RPH3AL: variants seen among roughly 807,000 people sequenced by gnomAD.
The protein encoded by RPH3AL is rab effector Noc2.
In RPH3AL, 38 loss-of-function variants were observed where a neutral mutation model predicts 43.1. The ratio of observed to expected loss-of-function variants is 0.88; its 90% CI spans 0.68 to 1.15. The LOEUF (loss-of-function observed/expected upper bound fraction) is 1.15, where lower values mean the gene tolerates loss of function less well. Among genes scored for constraint, RPH3AL ranks in the 50% most tolerant of loss-of-function variants. The probability of loss-of-function intolerance (pLI) is 0.00; values close to 1 mark genes in which losing one functional copy is unlikely to be tolerated. For missense variants in RPH3AL, 462 were observed against 423.2 expected, an observed-to-expected ratio of 1.09 and a Z score of -0.81; for synonymous variants, 189 against 176.3, an observed-to-expected ratio of 1.07 and a Z score of -0.57.
intron 5 of RPH3AL, among the ~76,000 whole-genome samples, chr17:286,778 G>A (rs140308340): frequency 3.3e-5 from 5 of 152,292 alleles, no homozygotes; most frequent in East Asian, 1.9e-4. Flanking sequence ...CAGGGCAAGC[G>A]AGTCCTGGCT....
chr17:313,761 A>C (rs1332516986), intron 5 of RPH3AL, among the ~76,000 whole-genome samples: 1 of 152,128 alleles, frequency 6.6e-6, no homozygotes, highest in African/African-American at 2.4e-5. Flanking sequence ...GCTTGCACAC[A>C]ATGGGCTATT....
chr17:229,500 A>G (rs1371326704), intron 7 of RPH3AL, among the ~76,000 whole-genome samples: 1 of 152,162 alleles, frequency 6.6e-6, no homozygotes, highest in African/African-American at 2.4e-5. Context: ...CATGTCCCCC[A>G]AAGAGCTGGG....
chr17:310,657 G>C (rs898256026), intron 5 of RPH3AL, among the ~76,000 whole-genome samples: 3 of 152,178 alleles, frequency 2.0e-5, no homozygotes, highest in African/African-American at 7.2e-5. Context: ...CAGCCCCCCA[G>C]GGCTGCCGCC....
At chr17:268,167 T>C (rs979894312) in intron 6 of RPH3AL, among the ~76,000 whole-genome samples, 1 of 152,162 alleles carries the variant, frequency 6.6e-6, no homozygotes, top group Non-Finnish European at 1.5e-5. Flanking sequence ...TAGCTGGATT[T>C]TCCTCTCCCT....
chr17:264,694 A>C lies in RPH3AL; in HGVS notation c.438+17074T>G, dbSNP rs2042280542. Among the ~76,000 whole-genome samples the C allele has an allele frequency of 6.6e-6, 1 of 152,226 alleles. No homozygotes were observed. Among genetic ancestry groups the C allele is most frequent in the African/African-American group, 2.4e-5 (1 of 41,452 alleles). Reference sequence around the variant, plus strand: ...GGAAGAGGTCAGCATTTGCTCTTCTAAGCGTGGAGGATGACCCTTCCACCT... The same window carrying C: ...GGAAGAGGTCAGCATTTGCTCTTCTCAGCGTGGAGGATGACCCTTCCACCT... On this transcript the variant is annotated intron_variant, in intron 6 of 9. Transcript: ENST00000331302. The surrounding 1 kb of genome is among the most constrained non-coding windows in gnomAD (Gnocchi z 4.8).
At chr17:280,481 C>T (rs1427487811) in intron 6 of RPH3AL, among the ~76,000 whole-genome samples, 1 of 152,170 alleles carries the variant, frequency 6.6e-6, no homozygotes, top group Non-Finnish European at 1.5e-5. Flanking sequence ...CGCCACAAAC[C>T]CAGGATGCCT....
intron 6 of RPH3AL, among the ~76,000 whole-genome samples, chr17:269,767 T>C (rs374305208): frequency 2.6e-5 from 4 of 152,348 alleles, no homozygotes; most frequent in African/African-American, 9.6e-5. Context: ...GTGTGAACGA[T>C]GAACTCACGG....
intron 6 of RPH3AL, among the ~76,000 whole-genome samples, chr17:249,394 G>A (rs1039130658): frequency 3.9e-5 from 6 of 152,024 alleles, no homozygotes; most frequent in Non-Finnish European, 7.4e-5. Flanking sequence ...TTATCTCACC[G>A]GGAGGACTTG....
intron 7 of RPH3AL, among the ~76,000 whole-genome samples, chr17:244,950 ATGTG>A (rs1306494886): frequency 1.3e-5 from 2 of 151,964 alleles, no homozygotes; most frequent in Non-Finnish European, 2.9e-5. Context: ...GTGTACATGC[ATGTG>A]TGTGTGAGCT....
chr17:249,040 C>G (rs574581594), intron 6 of RPH3AL, among the ~76,000 whole-genome samples: 1 of 152,114 alleles, frequency 6.6e-6, no homozygotes, highest in East Asian at 1.9e-4. Flanking sequence ...CAGAAAGGAC[C>G]GCCTCTTGGA....
intron 5 of RPH3AL, among the ~76,000 whole-genome samples, chr17:300,910 A>G (rs1446027597): frequency 5.3e-5 from 8 of 150,650 alleles, no homozygotes; most frequent in African/African-American, 1.5e-4. Flanking sequence ...AGAAGCTCTC[A>G]CCCACTCTAG....
At chr17:344,728 A>G (rs1168290311) in intron 1 of RPH3AL, among the ~76,000 whole-genome samples, 2 of 134,014 alleles carry the variant, frequency 1.5e-5, no homozygotes, top group Admixed American at 7.2e-5. Context: ...CATCACCATC[A>G]TTGTCAATCA....
intron 8 of RPH3AL, among the ~76,000 whole-genome samples, chr17:216,744 A>G (rs577607809): frequency 6.6e-6 from 1 of 152,252 alleles, no homozygotes; most frequent in East Asian, 1.9e-4. Flanking sequence ...CATCTCTTGC[A>G]CCATCTCTAC....
At position 313,494 on chromosome 17, in the gene RPH3AL, G is replaced by A. The variant is rs73971703; in HGVS notation, c.351+5926C>T. ...AGGACTGTTCCAGGGGAAACTTGCC[G>A]TTCCCTCTGCCGGGAACACTGTTCC... On this transcript the variant is annotated intron_variant, in intron 5 of 9. Transcript: ENST00000331302. 9.3e-3 allele frequency among the ~76,000 whole-genome samples: 1,418 copies of A among 152,206 alleles called. 17 individuals carry two copies. Among genetic ancestry groups the A allele is most frequent in the African/African-American group, 0.031 (1,305 of 41,524 alleles).
At chr17:279,044 A>C (rs2042722003) in intron 6 of RPH3AL, among the ~76,000 whole-genome samples, 1 of 152,234 alleles carries the variant, frequency 6.6e-6, no homozygotes, top group African/African-American at 2.4e-5. Context: ...CAGAAAACCC[A>C]AGTTCTTCCA....
intron 6 of RPH3AL, among the ~76,000 whole-genome samples, chr17:268,553 G>GTTTTTTTTT (rs5818749): frequency 2.3e-4 from 17 of 74,516 alleles, no homozygotes; most frequent in East Asian, 9.6e-4. Context: ...ATGTTTTTGG[G>GTTTTTTTTT]TTTTTTTTTT....
chr17:291,278 G>C (rs1276594357), intron 5 of RPH3AL, among the ~76,000 whole-genome samples: 2 of 152,158 alleles, frequency 1.3e-5, no homozygotes, highest in Non-Finnish European at 2.9e-5. Context: ...GGTGGATCCT[G>C]CCTGCAATCC....
At chr17:239,818 C>T (rs568143645) in intron 7 of RPH3AL, among the ~76,000 whole-genome samples, 2 of 152,270 alleles carry the variant, frequency 1.3e-5, no homozygotes, top group Admixed American at 6.5e-5. Flanking sequence ...TTTGTAGAGA[C>T]AGTGTCTCGT....
At chr17:261,930 C>A (rs943574728) in intron 6 of RPH3AL, 8 of 152,110 alleles carry the variant, frequency 5.3e-5, no homozygotes, top group African/African-American at 1.9e-4. Flanking sequence ...GAAGGCTCCA[C>A]ACGATAGATG....
Sources: allele counts gnomAD v4.1 joint callset (sites outside exome capture counted in the v4.1 genomes callset), GRCh38; gene constraint gnomAD v4.1.1; non-coding constraint Gnocchi (gnomAD v3.1); transcripts MANE v1.5; gene names NCBI Gene and HGNC (gene_info 2026-07-23, HGNC 2026-07-21).